OXR1: variants seen among roughly 807,000 people sequenced by gnomAD.
OXR1 encodes the protein oxidation resistance protein 1.
In OXR1, 41 loss-of-function variants were observed where a neutral mutation model predicts 104.6. The ratio of observed to expected loss-of-function variants is 0.39; its 90% CI spans 0.31 to 0.51. The LOEUF (loss-of-function observed/expected upper bound fraction) is 0.51, where lower values mean the gene tolerates loss of function less well. Ranked by LOEUF, OXR1 falls within the 20% of genes least tolerant of loss-of-function variation. The pLI, the probability that OXR1 is intolerant of heterozygous loss-of-function variation, is 0.77. For missense variants in OXR1, 955 were observed against 1,031.9 expected, an observed-to-expected ratio of 0.93 and a Z score of 1.02; for synonymous variants, 348 against 348.4, an observed-to-expected ratio of 1.00 and a Z score of 0.01.
intron 2 of OXR1, among the ~76,000 whole-genome samples, chr8:106,483,699 T>C (rs1398570123): frequency 6.6e-6 from 1 of 152,092 alleles, no homozygotes; most frequent in East Asian, 1.9e-4. Context: ...CTTATGGTAA[T>C]TTGATTATAT....
chr8:106,359,830 T>G (rs1366973542), intron 2 of OXR1, among the ~76,000 whole-genome samples, 194 bp downstream of exon 2: 1 of 152,200 alleles, frequency 6.6e-6, no homozygotes, highest in Non-Finnish European at 1.5e-5. Context: ...CTATGATATC[T>G]GGGGGCTCTG....
intron 3 of OXR1, among the ~76,000 whole-genome samples, chr8:106,662,554 T>C (rs368617527): frequency 1.3e-5 from 2 of 152,144 alleles, no homozygotes; most frequent in African/African-American, 2.4e-5. Flanking sequence ...ACAAAACATA[T>C]AGTGCTTGCT....
At chr8:106,709,393 G>A (rs1831474735) in intron 9 of OXR1, among the ~76,000 whole-genome samples, 1 of 151,972 alleles carries the variant, frequency 6.6e-6, no homozygotes, top group African/African-American at 2.4e-5. Flanking sequence ...GATCTGTATT[G>A]TTAAGACATT....
chr8:106,618,257 C>T, intron 3 of OXR1: 2 of 1,163,552 alleles, frequency 1.7e-6, no homozygotes, highest in Non-Finnish European at 2.5e-6. Flanking sequence ...CATTAAAGGG[C>T]ACACTTTATG....
intron 6 of OXR1, among the ~76,000 whole-genome samples, chr8:106,686,054 C>G (rs1031287804): frequency 1.3e-5 from 2 of 151,994 alleles, no homozygotes; most frequent in Admixed American, 1.3e-4. Flanking sequence ...ACGTACTCAC[C>G]CATAAGTGGG....
At position 106,416,689 on chromosome 8, in the gene OXR1, T is replaced by C. The variant is rs185804797; in HGVS notation, c.23+57053T>C. Among the ~76,000 whole-genome samples the C allele has an allele frequency of 7.4e-4, 112 of 152,218 alleles. 1 individual carries two copies. Among genetic ancestry groups the C allele is most frequent in the Middle Eastern group, 3.4e-3 (1 of 294 alleles). ...TTGTGGAGTGTTCTGTCTGTATTCA[T>C]GGGAAAGATCCAGTGAGGTATGAAG... On this transcript the variant is annotated intron_variant, in intron 2 of 16. Coordinates refer to ENST00000517566, the MANE Select transcript of OXR1 (RefSeq NM_001198533.2).
intron 6 of OXR1, among the ~76,000 whole-genome samples, chr8:106,691,986 T>TATAC (rs561408057): frequency 1.3e-3 from 196 of 149,528 alleles, no homozygotes; most frequent in East Asian, 5.9e-3. Flanking sequence ...TCTATATATA[T>TATAC]ACACACACAC....
chr8:106,445,551 T>G (rs1374559489), intron 2 of OXR1, among the ~76,000 whole-genome samples: 2 of 152,224 alleles, frequency 1.3e-5, no homozygotes, highest in Admixed American at 1.3e-4. Flanking sequence ...CTGTCTCCTA[T>G]GCACGCTCTC....
At chr8:106,640,616 A>C (rs1823551537) in intron 3 of OXR1, among the ~76,000 whole-genome samples, 1 of 152,154 alleles carries the variant, frequency 6.6e-6, no homozygotes, top group African/African-American at 2.4e-5. Context: ...TAAAGTGTGA[A>C]TAACATGTAA....
intron 3 of OXR1, chr8:106,658,278 C>G: frequency 1.6e-6 from 2 of 1,216,110 alleles, no homozygotes; most frequent in Non-Finnish European, 2.0e-6. Flanking sequence ...GGGTCGCTGC[C>G]CGGCTCTGGC....
At chr8:106,729,168 C>T (rs1273707585) in intron 11 of OXR1, among the ~76,000 whole-genome samples, 4 of 152,074 alleles carry the variant, frequency 2.6e-5, no homozygotes, top group Non-Finnish European at 5.9e-5. Context: ...ATTCTCACAA[C>T]CCTGTGGAAT....
chr8:106,718,192 C>A (rs1329234591), intron 11 of OXR1, among the ~76,000 whole-genome samples: 1 of 152,118 alleles, frequency 6.6e-6, no homozygotes, highest in Non-Finnish European at 1.5e-5. Flanking sequence ...AGATCTTATT[C>A]ATATCAGTAC....
intron 3 of OXR1, among the ~76,000 whole-genome samples, chr8:106,535,226 ATGATCT>A (rs1814412113): frequency 6.6e-6 from 1 of 152,126 alleles, no homozygotes; most frequent in Non-Finnish European, 1.5e-5. Flanking sequence ...GACGAGAACT[ATGATCT>A]GCAGAAATAA....
intron 2 of OXR1, 41 bp downstream of exon 2, chr8:106,359,677 A>G (rs1304814047): frequency 2.8e-6 from 4 of 1,434,042 alleles, no homozygotes; most frequent in Non-Finnish European, 3.8e-6. Flanking sequence ...AAATGAAAAT[A>G]TATCATGAGC....
At chr8:106,677,686 AT>A (rs1440684275) in intron 3 of OXR1, among the ~76,000 whole-genome samples, 10 of 151,978 alleles carry the variant, frequency 6.6e-5, no homozygotes, top group Admixed American at 6.6e-4. Context: ...CACCTGCATT[AT>A]TTTTTCCCTA....
intron 1 of OXR1, among the ~76,000 whole-genome samples, chr8:106,294,207 C>T (rs1011215708): frequency 3.3e-5 from 5 of 151,422 alleles, no homozygotes; most frequent in African/African-American, 1.2e-4. Flanking sequence ...TCAAAACCAG[C>T]TTGGCCAACA....
intron 3 of OXR1, among the ~76,000 whole-genome samples, chr8:106,666,830 C>T (rs1388905016): frequency 2.0e-5 from 3 of 152,114 alleles, no homozygotes; most frequent in Admixed American, 6.5e-5. Context: ...TAACATGATT[C>T]TTGCTGAAAC....
Position 106,695,003 on chromosome 8 carries a change from C to T in OXR1, c.675+2126C>T, listed in dbSNP as rs753027078. On this transcript the variant is annotated intron_variant, in intron 7 of 16. Coordinates refer to ENST00000517566, the MANE Select transcript of OXR1 (RefSeq NM_001198533.2). ...ATATATATCTTTAATATGTCACATT[C>T]TCACTTTAAGTAGCATTATATATGC... Among the ~76,000 whole-genome samples the T allele has an allele frequency of 3.4e-3, 342 of 101,982 alleles. 2 individuals are homozygous for T. Among genetic ancestry groups the T allele is most frequent in the Non-Finnish European group, 5.2e-3 (257 of 49,222 alleles). 66.9% of individuals were successfully genotyped at this position (101,982 alleles called of 152,430 possible).
intron 3 of OXR1, among the ~76,000 whole-genome samples, chr8:106,624,325 A>G (rs1821970898): frequency 1.3e-5 from 2 of 152,226 alleles, no homozygotes; most frequent in African/African-American, 4.8e-5. Context: ...ATAATAGAGT[A>G]ATGAGACTGG....
Sources: gnomAD v4.1 joint callset for allele counts (sites outside exome capture counted in the v4.1 genomes callset) on GRCh38, gnomAD v4.1.1 for gene constraint, MANE v1.5 for transcripts, NCBI Gene and HGNC (gene_info 2026-07-23, HGNC 2026-07-21) for gene names.